Variants in MGLL observed in about 807,000 individuals in gnomAD.
MGLL encodes lysophospholipase homolog.
Under a neutral mutation model 29.1 loss-of-function variants are expected in MGLL, and 7 were observed. The observed-to-expected ratio is 0.24, with a 90% confidence interval of 0.14 to 0.45. The LOEUF is 0.45. Among genes scored for constraint, MGLL ranks in the 20% least tolerant of loss-of-function variants. The pLI, the probability that MGLL is intolerant of heterozygous loss-of-function variation, is 0.99. For synonymous variants in MGLL, 148 were observed against 168.3 expected (o/e 0.88, Z 0.93); for missense variants, 356 against 413.6 (o/e 0.86, Z 1.21).
At chr3:127,726,306 GGGAGAGAA>G (rs748399955) in intron 3 of MGLL, among the ~76,000 whole-genome samples, 40 of 139,536 alleles carry the variant, frequency 2.9e-4, no homozygotes, top group Non-Finnish European at 5.3e-4. Context: ...GAGGGAGGGA[GGGAGAGAA>G]AGAAAGAGAA....
chr3:127,708,116 A>G (rs1021587463), intron 6 of MGLL, among the ~76,000 whole-genome samples: 1 of 152,206 alleles, frequency 6.6e-6, no homozygotes, highest in African/African-American at 2.4e-5. Flanking sequence ...GCAGGGTTCC[A>G]TGGGAAATGT....
At chr3:127,740,567 G>T (rs1437317640) in intron 3 of MGLL, among the ~76,000 whole-genome samples, 1 of 152,212 alleles carries the variant, frequency 6.6e-6, no homozygotes, top group Non-Finnish European at 1.5e-5. Flanking sequence ...GGCTCTGCGG[G>T]GGCCCTGAGG....
At chr3:127,695,618 C>G (rs1229482317) in intron 6 of MGLL, among the ~76,000 whole-genome samples, 1 of 152,078 alleles carries the variant, frequency 6.6e-6, no homozygotes, top group East Asian at 1.9e-4. Flanking sequence ...GTGGTGGGCA[C>G]CTGTAATCCC....
chr3:127,784,763 C>A (rs554989003), intron 2 of MGLL, among the ~76,000 whole-genome samples: 1 of 152,148 alleles, frequency 6.6e-6, no homozygotes, highest in Non-Finnish European at 1.5e-5. Flanking sequence ...CTGCCTGGAC[C>A]CCGATTCAGA....
intron 3 of MGLL, among the ~76,000 whole-genome samples, chr3:127,772,594 A>C (rs938558615): frequency 7.9e-5 from 12 of 152,226 alleles, no homozygotes; most frequent in African/African-American, 2.9e-4. Context: ...CAAGACTCCC[A>C]TGAGGCTAAA....
chr3:127,781,306 C>T (rs1030277124), intron 3 of MGLL, among the ~76,000 whole-genome samples: 7 of 152,072 alleles, frequency 4.6e-5, no homozygotes, highest in African/African-American at 1.7e-4. Context: ...AGCTGTGTGT[C>T]CTTGTATTTG....
chr3:127,700,297 T>C (rs906919631), intron 6 of MGLL, among the ~76,000 whole-genome samples: 1 of 152,244 alleles, frequency 6.6e-6, no homozygotes, highest in African/African-American at 2.4e-5. Flanking sequence ...ACATAATTTG[T>C]GGTGGAAAGA....
At chr3:127,762,416 G>T (rs982104686) in intron 3 of MGLL, among the ~76,000 whole-genome samples, 6 of 152,172 alleles carry the variant, frequency 3.9e-5, no homozygotes, top group Non-Finnish European at 1.5e-5. Context: ...CCTTTCTTAA[G>T]GGCTGTGTCA....
chr3:127,756,279 G>C lies in MGLL; in HGVS notation c.262+25510C>G, dbSNP rs150120618. 2.9e-3 allele frequency among the ~76,000 whole-genome samples: 441 copies of C among 152,214 alleles called. 2 individuals carry two copies. Among genetic ancestry groups the C allele is most frequent in the African/African-American group, 9.8e-3 (405 of 41,508 alleles). On this transcript the variant is annotated intron_variant, in intron 3 of 7. Transcript: ENST00000265052. ...TTGGCATCTAGGGCCTTGCTGACTG[G>C]GGAAATTACCTGTTCTAGGGCTAGC...
At chr3:127,714,936 A>G (rs116506256) in intron 5 of MGLL, among the ~76,000 whole-genome samples, 25 of 152,312 alleles carry the variant, frequency 1.6e-4, no homozygotes, top group African/African-American at 5.5e-4. Context: ...GGCACAGCAC[A>G]CCCATCCCAA....
chr3:127,730,655 C>T (rs1159273181), intron 3 of MGLL, among the ~76,000 whole-genome samples: 1 of 152,108 alleles, frequency 6.6e-6, no homozygotes. Flanking sequence ...GGCAACATAC[C>T]CCTTCCATAA....
intron 5 of MGLL, chr3:127,715,737 G>A (rs627498): frequency 0.47 from 213,518 of 456,312 alleles, 50,821 homozygotes; most frequent in Non-Finnish European, 0.51. Flanking sequence ...GGCAGGTCCC[G>A]CACCCAGATG....
chr3:127,791,463 G>T (rs2077299216), intron 2 of MGLL, among the ~76,000 whole-genome samples: 1 of 152,182 alleles, frequency 6.6e-6, no homozygotes, highest in South Asian at 2.1e-4. Context: ...ATTATGTTTT[G>T]TTTATATTGG....
At position 127,822,500 on chromosome 3, in the gene MGLL, C is replaced by T. The variant is rs2077880801; in HGVS notation, c.-182G>A. 1.6e-6 allele frequency: 1 copy of T among 642,442 alleles called. No individual in the cohort carries two copies. Among genetic ancestry groups the T allele is most frequent in the Admixed American group, 2.9e-5 (1 of 34,574 alleles). 39.8% of individuals were successfully genotyped at this position (642,442 alleles called of 1,614,324 possible). On this transcript the variant is annotated 5_prime_UTR_variant, in exon 1 of 8. Coordinates refer to ENST00000265052, the MANE Select transcript of MGLL (RefSeq NM_007283.7). ...CAGCCGGGAGCCTGCTTCCAGCTCC[C>T]ACCGGCAGGCTCTCCGGGGCTCCCC... is the stretch of plus-strand genomic sequence containing the variant.
Position 127,799,083 on chromosome 3 carries a change from G to A in MGLL, c.156-17188C>T, listed in dbSNP as rs151023500. 1.9e-3 allele frequency among the ~76,000 whole-genome samples: 293 copies of A among 152,290 alleles called. 5 individuals are homozygous for A. In the Middle Eastern group the frequency reaches 0.048, roughly 25 times the overall value. The stretch of plus-strand genomic sequence containing the variant: ...GAGTCCATGGACTCATTGTTCTCTC[G>A]AGGACACATTCTTAGGACATCATAG... On this transcript the variant is annotated intron_variant, in intron 2 of 7. Coordinates refer to ENST00000265052, the MANE Select transcript of MGLL (RefSeq NM_007283.7).
intron 3 of MGLL, chr3:127,735,921 C>T (rs1203355232): frequency 8.6e-6 from 13 of 1,517,726 alleles, no homozygotes; most frequent in South Asian, 8.5e-5. Context: ...AGCTGGTCTG[C>T]ACCTTCAGTT....
At chr3:127,817,614 A>G (rs74914194) in intron 2 of MGLL, among the ~76,000 whole-genome samples, 5,376 of 152,286 alleles carry the variant, frequency 0.035, 294 homozygotes, top group African/African-American at 0.12. Flanking sequence ...GAGTTGTACA[A>G]TCATATAATT....
intron 3 of MGLL, among the ~76,000 whole-genome samples, chr3:127,773,150 A>G (rs1157425695): frequency 1.3e-5 from 2 of 152,198 alleles, no homozygotes; most frequent in Non-Finnish European, 2.9e-5. Flanking sequence ...AGCCCCTTAT[A>G]AACTGTGAGG....
chr3:127,768,695 C>T (rs1036008957), intron 3 of MGLL, among the ~76,000 whole-genome samples: 4 of 152,180 alleles, frequency 2.6e-5, no homozygotes, highest in African/African-American at 7.2e-5. Context: ...ATCCTTTCCT[C>T]TCTTCTTCCT....
Sources: gnomAD v4.1 joint callset for allele counts (sites outside exome capture counted in the v4.1 genomes callset) on GRCh38, gnomAD v4.1.1 for gene constraint, MANE v1.5 for transcripts, NCBI Gene and HGNC (gene_info 2026-07-23, HGNC 2026-07-21) for gene names.